XPOT: variants seen among roughly 807,000 people sequenced by gnomAD.
XPOT encodes the protein exportin-T.
Under a neutral mutation model 128.2 loss-of-function variants are expected in XPOT, and 34 were observed. The ratio of observed to expected loss-of-function variants is 0.27; its 90% CI spans 0.20 to 0.35. The LOEUF is 0.35. Ranked by LOEUF, XPOT falls within the 10% of genes least tolerant of loss-of-function variation. XPOT has a pLI of 1.00. For missense variants in XPOT, 838 were observed against 1,125.3 expected, an observed-to-expected ratio of 0.74 and a Z score of 3.65; for synonymous variants, 348 against 394.3, an observed-to-expected ratio of 0.88 and a Z score of 1.39.
Position 64,409,595 on chromosome 12 carries a change from C to T in XPOT, c.-74-367C>T, listed in dbSNP as rs542361383. The T allele has an allele frequency of 1.9e-3, 293 of 156,648 alleles. 2 individuals are homozygous for T. Among genetic ancestry groups the T allele is most frequent in the African/African-American group, 6.7e-3 (277 of 41,572 alleles). 9.7% of individuals were successfully genotyped at this position (156,648 alleles called of 1,614,324 possible). ...CTAAAAATACAAAAAATTAGCCCAG[C>T]GCGGTGGCGGGCGCCTGTAGTCCCA... On this transcript the variant is annotated intron_variant, in intron 1 of 24. Transcript: ENST00000332707.
intron 15 of XPOT, among the ~76,000 whole-genome samples, chr12:64,426,150 A>G (rs568473999): frequency 6.6e-6 from 1 of 152,142 alleles, no homozygotes; most frequent in Admixed American, 6.5e-5. Flanking sequence ...TACTAAAGAT[A>G]CAAAAAATTA....
chr12:64,413,433 T>C (rs2040058596), intron 2 of XPOT, among the ~76,000 whole-genome samples: 1 of 152,168 alleles, frequency 6.6e-6, no homozygotes, highest in Non-Finnish European at 1.5e-5. Flanking sequence ...AAGGACTCAT[T>C]ATAAATAACA....
chr12:64,447,298 C>T (rs1166428565), intron 24 of XPOT, among the ~76,000 whole-genome samples: 2 of 152,168 alleles, frequency 1.3e-5, no homozygotes, highest in Admixed American at 1.3e-4. Context: ...GTCTGGTGCT[C>T]ACCTGACCTG....
rs2040385870 is a variant in XPOT at position 64,448,824 on chromosome 12, T to A, written c.*693T>A. 1 of 152,162 alleles carries A rather than the reference T, an allele frequency of 6.6e-6. No individual in the cohort carries two copies. The highest frequency in any genetic ancestry group is 1.5e-5 in the Non-Finnish European group (1 of 68,036). The allele number at this position is 152,162 out of a possible 1,614,324, so 9.4% of individuals were successfully genotyped here. On this transcript the variant is annotated 3_prime_UTR_variant, in exon 25 of 25. Transcript: ENST00000332707. ...TTCATTTAACCTCACTCCTCAAAGG[T>A]AACATGCAACTTAGTTCTGTTATAT...
Position 64,418,070 on chromosome 12 carries a change from A to G in XPOT, c.225A>G (p.Gln75=), listed in dbSNP as rs1231836943. ...KYKYSELTTV[Q]QQLIRETLIS... is the part of the protein sequence containing the mutation. ...GATACTCAGAACTAACCACTGTTCA[A>G]CAACAGCTAATTAGGGAGACGCTCA... The change falls in exon 5 of 25, where the codon CAA becomes CAG. Residue 75 remains glutamine (Q), a synonymous_variant. Coordinates refer to ENST00000332707, the MANE Select transcript of XPOT (RefSeq NM_007235.6). 4.3e-6 allele frequency: 7 copies of G among 1,613,542 alleles called. No individual in the cohort carries two copies. In the Admixed American group the frequency reaches 1.2e-4, roughly 27 times the overall value.
At chr12:64,409,094 G>A (rs2040011156) in intron 1 of XPOT, among the ~76,000 whole-genome samples, 1 of 151,854 alleles carries the variant, frequency 6.6e-6, no homozygotes, top group Admixed American at 6.6e-5. Context: ...AAAGCTAAAT[G>A]ACTGGTTTTT....
At chr12:64,414,850 A>C in intron 2 of XPOT, 57 bp from the exon 3 acceptor site, 1 of 1,048,222 alleles carries the variant, frequency 9.5e-7, no homozygotes, top group Admixed American at 1.8e-5. Flanking sequence ...TGTTTATATT[A>C]GCAGGGCATT....
In XPOT at chr12:64,418,884, T is replaced by A; in HGVS notation, c.279T>A (p.Asn93Lys). ...LISWLQAQML[N>K]PQPEKTFIRN... ...GTTTCTCTGTTTGTCAGATGCTGAA[T>A]CCCCAACCAGAGAAGACCTTTATAC... is the stretch of plus-strand genomic sequence containing the variant. Residue 93 changes from asparagine (N) to lysine (K), a missense_variant, in exon 6 of 25, where the codon AAT becomes AAA. Asn to Lys is a moderately conservative substitution (Grantham distance 94, BLOSUM62 0). Around this residue, in one of 3 missense-constraint regions of XPOT, gnomAD observed 761 missense variants for 988.3 expected, o/e 0.77. Coordinates refer to ENST00000332707, the MANE Select transcript of XPOT (RefSeq NM_007235.6). 1 of 1,613,734 alleles carries A rather than the reference T, an allele frequency of 6.2e-7. No individual in the cohort carries two copies. Among genetic ancestry groups the A allele is most frequent in the Non-Finnish European group, 8.5e-7 (1 of 1,179,778 alleles).
intron 2 of XPOT, among the ~76,000 whole-genome samples, chr12:64,410,961 A>G (rs71467181): frequency 2.0e-4 from 30 of 152,308 alleles, no homozygotes; most frequent in Admixed American, 5.2e-4. Context: ...GAGGTTAACA[A>G]TCTCACTAAA....
intron 3 of XPOT, 55 bp downstream of exon 3, chr12:64,415,044 C>A: frequency 9.1e-7 from 1 of 1,096,148 alleles, no homozygotes; most frequent in Non-Finnish European, 1.4e-6. Flanking sequence ...CATGACAGGA[C>A]TGTGAAATTT....
At position 64,445,067 on chromosome 12, in the gene XPOT, C is replaced by T. The variant is rs375738357; in HGVS notation, c.2806-8C>T. 32 of 1,597,330 alleles carry T rather than the reference C, an allele frequency of 2.0e-5. No homozygotes were observed. Among genetic ancestry groups the T allele is most frequent in the Non-Finnish European group, 9.4e-6 (11 of 1,171,954 alleles). On this transcript the variant is annotated splice_region_variant and splice_polypyrimidine_tract_variant and intron_variant, in intron 23 of 24. Transcript: ENST00000332707. ...GTTCTTTTTCTCCCTCTTTTCCCCA[C>T]CCCCCAGGAGTTTTGTCAAGCGCTT...
intron 1 of XPOT, among the ~76,000 whole-genome samples, chr12:64,405,754 A>G (rs1224492588): frequency 2.0e-5 from 3 of 151,766 alleles, no homozygotes; most frequent in Admixed American, 1.3e-4. Flanking sequence ...GAGTAGCTCT[A>G]TTACAGGTGC....
intron 1 of XPOT, among the ~76,000 whole-genome samples, chr12:64,409,042 A>G (rs2040010663): frequency 6.6e-6 from 1 of 152,122 alleles, no homozygotes; most frequent in African/African-American, 2.4e-5. Context: ...TTGGCTGGCA[A>G]GAGCAGAGAT....
chr12:64,418,551 G>GA (rs1285448478), intron 5 of XPOT, among the ~76,000 whole-genome samples: 5 of 152,158 alleles, frequency 3.3e-5, no homozygotes, highest in Admixed American at 2.6e-4. Flanking sequence ...GCAAGTAGAG[G>GA]AAAATTTTTT....
chr12:64,416,378 G>C (rs1205332748), intron 3 of XPOT, among the ~76,000 whole-genome samples: 13 of 152,208 alleles, frequency 8.5e-5, no homozygotes, highest in Admixed American at 8.5e-4. Flanking sequence ...TGAAGGGACT[G>C]TTCCAGGAAT....
chr12:64,448,081 A>G (rs1207311118), intron 24 of XPOT, 24 bp from the exon 25 acceptor site: 2 of 1,610,344 alleles, frequency 1.2e-6, no homozygotes, highest in African/African-American at 1.3e-5. Context: ...ATTAGTATTG[A>G]TTGCATTAAT....
intron 24 of XPOT, among the ~76,000 whole-genome samples, 199 bp downstream of exon 24, chr12:64,445,330 C>T (rs2040359426): frequency 6.6e-6 from 1 of 152,104 alleles, no homozygotes; most frequent in South Asian, 2.1e-4. Flanking sequence ...TTTTCTTTTA[C>T]AGTTTCATGA....
At chr12:64,432,745 A>G (rs1465613199) in intron 18 of XPOT, among the ~76,000 whole-genome samples, 1 of 152,202 alleles carries the variant, frequency 6.6e-6, no homozygotes, top group Non-Finnish European at 1.5e-5. Flanking sequence ...CTATTAAACA[A>G]TGTTTTTTAC....
chr12:64,442,120 G>A (rs192859313), intron 23 of XPOT, among the ~76,000 whole-genome samples: 5 of 151,548 alleles, frequency 3.3e-5, no homozygotes, highest in Admixed American at 1.3e-4. Context: ...TTCCAGAGTC[G>A]TCATCTTTTT....
Sources: gnomAD v4.1 joint callset for allele counts (sites outside exome capture counted in the v4.1 genomes callset) on GRCh38, gnomAD v4.1.1 for gene constraint, gnomAD v4.1.1 regional missense constraint, MANE v1.5 for transcripts, NCBI Gene and HGNC (gene_info 2026-07-23, HGNC 2026-07-21) for gene names.